Variants in MAPK8IP3 observed in about 807,000 individuals in gnomAD.
MAPK8IP3 encodes the protein mitogen-activated protein kinase 8 interacting protein 3.
In MAPK8IP3, 49 loss-of-function variants were observed where a neutral mutation model predicts 157.8. That is an observed-to-expected ratio of 0.31 (90% confidence interval 0.25 to 0.39). The LOEUF (loss-of-function observed/expected upper bound fraction) is 0.39. MAPK8IP3 is among the 10% of genes least tolerant of loss of function. The pLI is 1.00. For synonymous variants in MAPK8IP3, 897 were observed against 777.7 expected (o/e 1.15, Z -2.55); for missense variants, 1,478 against 1,889.4 (o/e 0.78, Z 4.04).
At chr16:1,709,399 G>A (rs1388078973) in intron 1 of MAPK8IP3, among the ~76,000 whole-genome samples, 2 of 152,212 alleles carry the variant, frequency 1.3e-5, no homozygotes, top group East Asian at 1.9e-4. Context: ...TGCAGTGGCC[G>A]CGGACTTTGC....
chr16:1,747,652 T>C (rs2041046138), intron 6 of MAPK8IP3, among the ~76,000 whole-genome samples: 2 of 152,182 alleles, frequency 1.3e-5, no homozygotes, highest in Admixed American at 1.3e-4. Flanking sequence ...TATTAACATA[T>C]GGATTTGGGG....
chr16:1,718,847 C>T (rs1353236447), intron 1 of MAPK8IP3, among the ~76,000 whole-genome samples: 1 of 152,060 alleles, frequency 6.6e-6, no homozygotes, highest in African/African-American at 2.4e-5. Context: ...GGACTCTTCA[C>T]TTCCTCAAGA....
intron 8 of MAPK8IP3, among the ~76,000 whole-genome samples, chr16:1,749,702 C>T (rs1316720475): frequency 6.6e-6 from 1 of 152,258 alleles, no homozygotes; most frequent in African/African-American, 2.4e-5. Context: ...GGGTCCGAGC[C>T]TTTCGCCATG....
At chr16:1,762,643 T>G in intron 14 of MAPK8IP3, 32 bp from the exon 15 acceptor site, 1 of 1,541,624 alleles carries the variant, frequency 6.5e-7, no homozygotes. Context: ...GTGAGGGCAC[T>G]AGCAGGTTGC....
chr16:1,746,588 T>G, intron 5 of MAPK8IP3: 1 of 195,808 alleles, frequency 5.1e-6, no homozygotes, highest in Non-Finnish European at 1.1e-5. Flanking sequence ...TTCAGCACAG[T>G]GATGGTGACG....
chr16:1,763,579 C>T lies in MAPK8IP3; in HGVS notation c.1899-78C>T, dbSNP rs1476028577. On this transcript the variant is annotated intron_variant, in intron 16 of 31. Transcript: ENST00000610761. ...CCCAGGCGGGCCTCCCTGCCGTGAC[C>T]TCCCCCAGGACAAGCCTGGGGCACT... is the stretch of plus-strand genomic sequence containing the variant. 8.6e-6 allele frequency: 12 copies of T among 1,394,078 alleles called. 1 individual carries two copies. In the South Asian group the frequency reaches 1.8e-4, roughly 21 times the overall value. 86.4% of individuals were successfully genotyped at this position (1,394,078 alleles called of 1,614,324 possible).
intron 1 of MAPK8IP3, among the ~76,000 whole-genome samples, chr16:1,723,380 A>G (rs2038663064): frequency 6.6e-6 from 1 of 152,014 alleles, no homozygotes; most frequent in Non-Finnish European, 1.5e-5. Flanking sequence ...GGGTTTTACC[A>G]TGTTGGTCAG....
chr16:1,738,145 C>T (rs1423618262), intron 4 of MAPK8IP3, among the ~76,000 whole-genome samples: 1 of 80,494 alleles, frequency 1.2e-5, no homozygotes, highest in Non-Finnish European at 2.2e-5. Flanking sequence ...TGTGTGTGAC[C>T]ATCCATGTGA....
chr16:1,744,892 C>G (rs2040876200), intron 5 of MAPK8IP3: 1 of 960,540 alleles, frequency 1.0e-6, no homozygotes, highest in Admixed American at 6.2e-5. Flanking sequence ...ATTTTATGCT[C>G]TAGGTTTTGA....
chr16:1,720,126 C>G (rs1215389571), intron 1 of MAPK8IP3, among the ~76,000 whole-genome samples: 1 of 152,220 alleles, frequency 6.6e-6, no homozygotes, highest in Non-Finnish European at 1.5e-5. Flanking sequence ...TCACTGCAAC[C>G]TGGGTTCAAG....
chr16:1,736,188 G>A (rs553572702), intron 4 of MAPK8IP3, among the ~76,000 whole-genome samples: 29 of 123,270 alleles, frequency 2.4e-4, no homozygotes, highest in South Asian at 7.8e-4. Flanking sequence ...GCGTGTGACC[G>A]TCCGTGTGAG....
chr16:1,735,310 G>GT (rs1339866106), intron 4 of MAPK8IP3, among the ~76,000 whole-genome samples: 1 of 151,308 alleles, frequency 6.6e-6, no homozygotes, highest in Non-Finnish European at 1.5e-5. Context: ...GACTGTCCGT[G>GT]TTTCCGTGTG....
intron 1 of MAPK8IP3, among the ~76,000 whole-genome samples, chr16:1,717,679 T>C (rs373998144): frequency 6.6e-5 from 10 of 152,368 alleles, no homozygotes; most frequent in African/African-American, 2.2e-4. Flanking sequence ...ACTACCGTGC[T>C]GTATTCTGGG....
intron 8 of MAPK8IP3, among the ~76,000 whole-genome samples, chr16:1,749,739 G>A (rs1286038977): frequency 6.6e-6 from 1 of 152,256 alleles, no homozygotes; most frequent in Non-Finnish European, 1.5e-5. Context: ...CCCGCAGGGT[G>A]AGAAGCTCCT....
intron 5 of MAPK8IP3, chr16:1,744,291 C>G (rs927457112): frequency 4.1e-6 from 4 of 985,650 alleles, no homozygotes; most frequent in Non-Finnish European, 4.8e-6. Flanking sequence ...GCCCTTGGGG[C>G]CTGTGGGCTG....
At chr16:1,730,330 A>G (rs1051175207) in intron 4 of MAPK8IP3, among the ~76,000 whole-genome samples, 2 of 152,224 alleles carry the variant, frequency 1.3e-5, no homozygotes, top group African/African-American at 4.8e-5. Context: ...AGAGGCTGGT[A>G]TGGTGGCTCA....
chr16:1,743,872 C>T lies in MAPK8IP3; in HGVS notation c.747+396C>T, dbSNP rs552530587. The stretch of plus-strand genomic sequence containing the variant: ...AGACACATCCTGCCCCTGAGAGCCA[C>T]GCCTCTACTCTCGGAGGAACGTCAG... On this transcript the variant is annotated intron_variant, in intron 5 of 31. Coordinates refer to ENST00000610761, the MANE Select transcript of MAPK8IP3 (RefSeq NM_001318852.2). The surrounding 1 kb of genome is among the most constrained non-coding windows in gnomAD (Gnocchi z 5.6). 5.9e-5 allele frequency: 64 copies of T among 1,078,738 alleles called. No homozygotes were observed. In the African/African-American group the frequency reaches 1.0e-3, roughly 17 times the overall value. The allele number at this position is 1,078,738 out of a possible 1,614,324, so 66.8% of individuals were successfully genotyped here. A position where few individuals can be genotyped will look rare whatever the true frequency, so the allele number is the denominator to read the frequency against.
intron 19 of MAPK8IP3, 74 bp downstream of exon 19, chr16:1,764,533 G>A (rs2042145244): frequency 3.9e-6 from 6 of 1,543,060 alleles, no homozygotes; most frequent in Non-Finnish European, 5.2e-6. Context: ...AGCATGCTGG[G>A]AGTGAGACAC....
In MAPK8IP3 at chr16:1,724,781, G is replaced by C; in HGVS notation, c.439+104G>C. On this transcript the variant is annotated intron_variant, in intron 2 of 31. Coordinates refer to ENST00000610761, the MANE Select transcript of MAPK8IP3 (RefSeq NM_001318852.2). The surrounding 1 kb of genome is among the most constrained non-coding windows in gnomAD (Gnocchi z 4.1). ...CGCCTTCCACACAAGGGGACGAGAG[G>C]AAGCCCAGTGGGAGCCTCAGCCATG... The C allele has an allele frequency of 1.4e-6, 2 of 1,457,010 alleles. No individual in the cohort carries two copies. The highest frequency in any genetic ancestry group is 1.8e-6 in the Non-Finnish European group (2 of 1,081,260). The allele number at this position is 1,457,010 out of a possible 1,614,324, so 90.3% of individuals were successfully genotyped here.
Sources: allele counts gnomAD v4.1 joint callset (sites outside exome capture counted in the v4.1 genomes callset), GRCh38; gene constraint gnomAD v4.1.1; non-coding constraint Gnocchi (gnomAD v3.1); transcripts MANE v1.5; gene names NCBI Gene and HGNC (gene_info 2026-07-23, HGNC 2026-07-21).